CRYZL1: variants seen among roughly 807,000 people sequenced by gnomAD.
The protein encoded by CRYZL1 is crystallin zeta like 1.
A neutral mutation model predicts 50.6 loss-of-function variants in CRYZL1; 34 were observed. That is an observed-to-expected ratio of 0.67 (90% confidence interval 0.51 to 0.89). CRYZL1 has a LOEUF of 0.89. Among genes scored for constraint, CRYZL1 ranks in the 40% least tolerant of loss-of-function variants. The pLI is 0.00. For synonymous variants in CRYZL1, 125 were observed against 134.3 expected (o/e 0.93, Z 0.48); for missense variants, 354 against 402.3 (o/e 0.88, Z 1.03).
chr21:33,615,429 C>T (rs1334193016), intron 5 of CRYZL1, among the ~76,000 whole-genome samples: 1 of 152,076 alleles, frequency 6.6e-6, no homozygotes, highest in African/African-American at 2.4e-5. Context: ...GCTAGGATTA[C>T]AGGTGTGAGC....
chr21:33,629,979 A>G (rs2154503), intron 2 of CRYZL1, among the ~76,000 whole-genome samples: 47,649 of 152,082 alleles, frequency 0.31, 7,656 homozygotes, highest in Middle Eastern at 0.47. Context: ...TTCTGTATCT[A>G]TTGAGATGAT....
At chr21:33,602,864 A>T in intron 7 of CRYZL1, among the ~76,000 whole-genome samples, 1 of 152,252 alleles carries the variant, frequency 6.6e-6, no homozygotes, top group East Asian at 1.9e-4. Flanking sequence ...GCAGGAAGAA[A>T]GCATTTCATC....
At chr21:33,602,141 G>C (rs1281587379) in intron 8 of CRYZL1, 93 bp downstream of exon 8, 1 of 725,668 alleles carries the variant, frequency 1.4e-6, no homozygotes, top group East Asian at 2.5e-5. Flanking sequence ...CACCTGGCCA[G>C]GGATTTTGTA....
chr21:33,590,790 T>C (rs1378832727), intron 12 of CRYZL1, among the ~76,000 whole-genome samples: 2 of 152,188 alleles, frequency 1.3e-5, no homozygotes, highest in African/African-American at 2.4e-5. Flanking sequence ...CTTCAAGCTA[T>C]TGGTTACTTC....
intron 1 of CRYZL1, chr21:33,639,825 AT>A (rs35747923): frequency 0.13 from 17,163 of 133,700 alleles, 700 homozygotes; most frequent in East Asian, 0.22. Flanking sequence ...ATAGATGTGT[AT>A]TTTTTTTTTT....
At chr21:33,611,834 C>T (rs1176344510) in intron 6 of CRYZL1, among the ~76,000 whole-genome samples, 1 of 152,140 alleles carries the variant, frequency 6.6e-6, no homozygotes, top group Non-Finnish European at 1.5e-5. Flanking sequence ...TCTCTATATC[C>T]TTAAATAACA....
At chr21:33,615,782 G>A (rs2086923297) in intron 5 of CRYZL1, among the ~76,000 whole-genome samples, 1 of 152,178 alleles carries the variant, frequency 6.6e-6, no homozygotes, top group Non-Finnish European at 1.5e-5. Context: ...CAGTCAGTCA[G>A]CAGCCTTCAA....
intron 1 of CRYZL1, among the ~76,000 whole-genome samples, chr21:33,640,864 T>C (rs540937966): frequency 6.6e-6 from 1 of 152,352 alleles, no homozygotes; most frequent in South Asian, 2.1e-4. Context: ...TTTAATTTAA[T>C]TTTGAAGATT....
chr21:33,609,534 C>G (rs1337387471), intron 6 of CRYZL1, among the ~76,000 whole-genome samples: 1 of 151,990 alleles, frequency 6.6e-6, no homozygotes, highest in Admixed American at 6.6e-5. Context: ...TAGTCTCGGA[C>G]TCCTGAGCTC....
At chr21:33,597,156 C>T in intron 10 of CRYZL1, 124 bp downstream of exon 10, 1 of 954,534 alleles carries the variant, frequency 1.0e-6, no homozygotes, top group Non-Finnish European at 1.6e-6. Flanking sequence ...AGGTGTGAGC[C>T]ACCATGCCTG....
At chr21:33,630,025 G>T (rs1027039493) in intron 2 of CRYZL1, among the ~76,000 whole-genome samples, 1 of 152,108 alleles carries the variant, frequency 6.6e-6, no homozygotes, top group South Asian at 2.1e-4. Context: ...TTAATGTGAT[G>T]TATCACATTT....
chr21:33,624,983 A>T (rs893906538), intron 2 of CRYZL1, among the ~76,000 whole-genome samples: 1 of 152,228 alleles, frequency 6.6e-6, no homozygotes, highest in African/African-American at 2.4e-5. Flanking sequence ...ACATATTTTT[A>T]AAAGTACTCA....
intron 1 of CRYZL1, among the ~76,000 whole-genome samples, chr21:33,634,883 ATAT>A (rs1275065266): frequency 4.8e-4 from 5 of 10,354 alleles, no homozygotes; most frequent in Admixed American, 4.3e-3. Flanking sequence ...CAACAACAAT[ATAT>A]ATATATATAT....
intron 6 of CRYZL1, among the ~76,000 whole-genome samples, chr21:33,611,633 G>T (rs961268601): frequency 6.6e-6 from 1 of 152,118 alleles, no homozygotes; most frequent in African/African-American, 2.4e-5. Context: ...TTAGGAAAAG[G>T]TTTAATTCAA....
chr21:33,619,567 T>G (rs2086971703), intron 4 of CRYZL1, among the ~76,000 whole-genome samples: 1 of 147,668 alleles, frequency 6.8e-6, no homozygotes, highest in African/African-American at 2.7e-5. Context: ...TTTTTCTTTT[T>G]CTTTTTTTTC....
At chr21:33,629,899 A>G (rs945126042) in intron 2 of CRYZL1, among the ~76,000 whole-genome samples, 1 of 152,166 alleles carries the variant, frequency 6.6e-6, no homozygotes, top group Non-Finnish European at 1.5e-5. Context: ...ATATTGATGT[A>G]TATTCATTCT....
At position 33,595,443 on chromosome 21, in the gene CRYZL1, G is replaced by C. The variant is rs150804586; in HGVS notation, c.904+288C>G. The C allele has an allele frequency of 4.7e-4, 641 of 1,367,742 alleles. 4 individuals carry two copies. The African/African-American group carries it at 5.7e-3, about 12-fold the overall frequency. The allele number at this position is 1,367,742 out of a possible 1,614,324, so 84.7% of individuals were successfully genotyped here. On this transcript the variant is annotated intron_variant, in intron 11 of 12. Coordinates refer to ENST00000381554, the MANE Select transcript of CRYZL1 (RefSeq NM_145858.3). ...AGGGCTCATCTCTGTTCAGAAAGGA[G>C]AGAGACTGCCTGAGTGTGATTCTTG...
chr21:33,625,217 G>A (rs552798457), intron 2 of CRYZL1, among the ~76,000 whole-genome samples: 37 of 151,090 alleles, frequency 2.4e-4, no homozygotes, highest in African/African-American at 7.1e-4. Flanking sequence ...GTGCGGTGGC[G>A]CGATCTCGGC....
At chr21:33,594,186 G>A (rs1379817746) in intron 11 of CRYZL1, among the ~76,000 whole-genome samples, 1 of 143,318 alleles carries the variant, frequency 7.0e-6, no homozygotes, top group Non-Finnish European at 1.5e-5. Flanking sequence ...ACAGAGTCTC[G>A]CTCTGTAGCT....
Sources: gnomAD v4.1 joint callset for allele counts (sites outside exome capture counted in the v4.1 genomes callset) on GRCh38, gnomAD v4.1.1 for gene constraint, MANE v1.5 for transcripts, NCBI Gene and HGNC (gene_info 2026-07-23, HGNC 2026-07-21) for gene names.